Variants in NBEA observed in about 807,000 individuals in gnomAD.
NBEA encodes the protein lysosomal-trafficking regulator 2.
In NBEA, 44 loss-of-function variants were observed where a neutral mutation model predicts 343.4. The observed-to-expected ratio is 0.13, with a 90% CI of 0.10 to 0.16. NBEA has a LOEUF of 0.16. Among genes scored for constraint, NBEA ranks in the 10% least tolerant of loss-of-function variants. NBEA has a pLI of 1.00. For missense variants in NBEA, 2,555 were observed against 3,631.3 expected, an observed-to-expected ratio of 0.70 and a Z score of 7.62; for synonymous variants, 1,175 against 1,238.7, an observed-to-expected ratio of 0.95 and a Z score of 1.08.
intron 1 of NBEA, among the ~76,000 whole-genome samples, chr13:35,014,377 A>G (rs2061581904): frequency 6.6e-6 from 1 of 152,078 alleles, no homozygotes; most frequent in Admixed American, 6.6e-5. Flanking sequence ...TTCTAAATTC[A>G]TTATGTACTC....
At chr13:35,509,022 T>C (rs2077172190) in intron 41 of NBEA, among the ~76,000 whole-genome samples, 1 of 152,240 alleles carries the variant, frequency 6.6e-6, no homozygotes, top group African/African-American at 2.4e-5. Flanking sequence ...TACCTGCAGA[T>C]GGCCTGATGC....
intron 33 of NBEA, among the ~76,000 whole-genome samples, chr13:35,231,207 A>G (rs1011083947): frequency 2.0e-5 from 3 of 152,112 alleles, no homozygotes; most frequent in African/African-American, 7.2e-5. Context: ...AGAAGTGCTG[A>G]TGGTGATACT....
intron 38 of NBEA, among the ~76,000 whole-genome samples, chr13:35,370,154 G>A (rs1036646443): frequency 1.3e-5 from 2 of 151,874 alleles, no homozygotes; most frequent in African/African-American, 4.8e-5. Context: ...TACTCAACTG[G>A]AGTCTATCGC....
At chr13:35,387,252 T>G (rs980087939) in intron 38 of NBEA, among the ~76,000 whole-genome samples, 4 of 152,146 alleles carry the variant, frequency 2.6e-5, no homozygotes, top group African/African-American at 9.6e-5. Flanking sequence ...ATTATAGATG[T>G]GCTGTTTATG....
intron 17 of NBEA, among the ~76,000 whole-genome samples, chr13:35,135,715 C>T (rs2067682594): frequency 6.6e-6 from 1 of 151,618 alleles, no homozygotes; most frequent in African/African-American, 2.4e-5. Context: ...AAGGAATAAA[C>T]TTAAAGAAGG....
Position 35,089,826 on chromosome 13 carries a change from C to T in NBEA, c.1572-8471C>T, listed in dbSNP as rs1302435803. ...ATCACAAGAACAAAAAACCAAACACCGCATATTCTCACTCATAGGTGGGAA... is the reference window on the plus strand; with the variant it reads ...ATCACAAGAACAAAAAACCAAACACTGCATATTCTCACTCATAGGTGGGAA... On this transcript the variant is annotated intron_variant, in intron 10 of 58. Transcript: ENST00000379939. 4.1e-5 allele frequency among the ~76,000 whole-genome samples: 6 copies of T among 148,104 alleles called. No homozygotes were observed. In the East Asian group the frequency reaches 1.0e-3, roughly 25 times the overall value.
At chr13:34,945,939 G>C (rs1275478384) in intron 1 of NBEA, among the ~76,000 whole-genome samples, 1 of 152,104 alleles carries the variant, frequency 6.6e-6, no homozygotes, top group Non-Finnish European at 1.5e-5. Flanking sequence ...GTTTCCCAAA[G>C]GTCTAGAGAC....
At chr13:35,005,047 G>A (rs1196891048) in intron 1 of NBEA, among the ~76,000 whole-genome samples, 2 of 152,022 alleles carry the variant, frequency 1.3e-5, no homozygotes, top group African/African-American at 2.4e-5. Flanking sequence ...TATCAACTAT[G>A]TGCCAAGCAT....
intron 48 of NBEA, among the ~76,000 whole-genome samples, chr13:35,612,120 T>G (rs1593364900): frequency 6.6e-6 from 1 of 151,890 alleles, no homozygotes; most frequent in East Asian, 1.9e-4. Context: ...AGGTAATATC[T>G]CATTACAATA....
intron 17 of NBEA, among the ~76,000 whole-genome samples, chr13:35,134,321 AC>A (rs2067597404): frequency 6.6e-6 from 1 of 151,886 alleles, no homozygotes; most frequent in South Asian, 2.1e-4. Flanking sequence ...GTTCAATCTT[AC>A]ATATTTTGAG....
At chr13:35,454,544 C>A (rs1477146154) in intron 40 of NBEA, among the ~76,000 whole-genome samples, 1 of 152,046 alleles carries the variant, frequency 6.6e-6, no homozygotes, top group Non-Finnish European at 1.5e-5. Context: ...GAAAATGTCA[C>A]CCTTACAGGA....
chr13:35,246,251 T>G (rs1320929545), intron 34 of NBEA, among the ~76,000 whole-genome samples: 2 of 152,224 alleles, frequency 1.3e-5, no homozygotes, highest in Non-Finnish European at 2.9e-5. Flanking sequence ...CCTCCTTGAT[T>G]AGCTTAATAA....
intron 34 of NBEA, among the ~76,000 whole-genome samples, chr13:35,233,225 G>C (rs2075067333): frequency 6.6e-6 from 1 of 152,126 alleles, no homozygotes; most frequent in African/African-American, 2.4e-5. Context: ...GCTTCAGAAA[G>C]AATTAGATAA....
chr13:35,336,999 C>A (rs899296241), intron 36 of NBEA, among the ~76,000 whole-genome samples: 1 of 151,858 alleles, frequency 6.6e-6, no homozygotes, highest in African/African-American at 2.4e-5. Flanking sequence ...CAAACATGCC[C>A]ATATACCCTT....
rs1385803350 is a variant in NBEA at position 35,672,507 on chromosome 13, G to A, written c.*1516G>A. ...TATGGGGAATCAGCGTAATGATTAA[G>A]TTATTCATCACCAGGCTGTAAGCAA... On this transcript the variant is annotated 3_prime_UTR_variant, in exon 59 of 59. Transcript: ENST00000379939. The A allele has an allele frequency of 6.6e-6, 1 of 152,598 alleles. No homozygotes were observed. The highest frequency in any genetic ancestry group is 2.4e-5 in the African/African-American group (1 of 41,442). The allele number at this position is 152,598 out of a possible 1,614,324, so 9.5% of individuals were successfully genotyped here. A position where few individuals can be genotyped will look rare whatever the true frequency, so the allele number is the denominator to read the frequency against.
chr13:35,222,965 C>T (rs192140461), intron 33 of NBEA, among the ~76,000 whole-genome samples: 86 of 152,156 alleles, frequency 5.7e-4, no homozygotes, highest in Admixed American at 1.6e-3. Flanking sequence ...AACCGCATCT[C>T]TAATAAAAAT....
At chr13:35,518,857 T>C (rs1043667742) in intron 41 of NBEA, among the ~76,000 whole-genome samples, 6 of 152,146 alleles carry the variant, frequency 3.9e-5, no homozygotes, top group Admixed American at 1.3e-4. Context: ...GGATACCTCA[T>C]AGAGGCTGAC....
At chr13:35,179,538 A>G (rs918562916) in intron 28 of NBEA, among the ~76,000 whole-genome samples, 2 of 151,194 alleles carry the variant, frequency 1.3e-5, no homozygotes, top group Non-Finnish European at 3.0e-5. Flanking sequence ...GGTTAAAAAA[A>G]AATAAAAAAT....
Position 35,109,874 on chromosome 13 carries a change from A to G in NBEA, c.1833+432A>G, listed in dbSNP as rs1344682211. 2.6e-5 allele frequency among the ~76,000 whole-genome samples: 4 copies of G among 151,980 alleles called. No homozygotes were observed. The South Asian group carries it at 8.3e-4, about 32-fold the overall frequency. Reference sequence around the variant, plus strand: ...TATACATGAATTAAATATTTTCCAGATAATAACAGAAAATTCTTATTGTTT... The same window carrying G: ...TATACATGAATTAAATATTTTCCAGGTAATAACAGAAAATTCTTATTGTTT... On this transcript the variant is annotated intron_variant, in intron 12 of 58. Transcript: ENST00000379939.
Sources: gnomAD v4.1 joint callset for allele counts (sites outside exome capture counted in the v4.1 genomes callset) on GRCh38, gnomAD v4.1.1 for gene constraint, MANE v1.5 for transcripts, NCBI Gene and HGNC (gene_info 2026-07-23, HGNC 2026-07-21) for gene names.